The following SHISA6 variants were observed in gnomAD, a reference collection of about 807,000 sequenced individuals.
SHISA6 encodes protein shisa-6.
A neutral mutation model predicts 47.9 loss-of-function variants in SHISA6; 22 were observed. The observed-to-expected ratio is 0.46, with a 90% CI of 0.33 to 0.66. SHISA6 has a LOEUF of 0.66. SHISA6 is among the 30% of genes least tolerant of loss of function. The pLI, the probability that SHISA6 is intolerant of heterozygous loss-of-function variation, is 0.02. For synonymous variants in SHISA6, 388 were observed against 337.8 expected, an observed-to-expected ratio of 1.15 and a Z score of -1.63; for missense variants, 680 against 764.6, an observed-to-expected ratio of 0.89 and a Z score of 1.30.
chr17:11,515,617 A>C (rs2071579625), intron 3 of SHISA6, among the ~76,000 whole-genome samples: 1 of 152,152 alleles, frequency 6.6e-6, no homozygotes, highest in Non-Finnish European at 1.5e-5. Context: ...GCTCTGGGGC[A>C]CAGAGTGTGT....
At chr17:11,525,631 C>CAAAAAAAAAAAAAAA (rs548619604) in intron 3 of SHISA6, among the ~76,000 whole-genome samples, 1 of 58,906 alleles carries the variant, frequency 1.7e-5, no homozygotes, top group Non-Finnish European at 3.0e-5. Flanking sequence ...GACTCCGTCT[C>CAAAAAAAAAAAAAAA]AAAAAAAAAA....
rs542582478 is a variant in SHISA6 at position 11,487,514 on chromosome 17, G to T, written c.896-64382G>T. ...CTGCAGTATTATCCTATCTAGCCATGTACCCAGGAAACATCCTGAAAGCAT... is the reference window on the plus strand; with the variant it reads ...CTGCAGTATTATCCTATCTAGCCATTTACCCAGGAAACATCCTGAAAGCAT... On this transcript the variant is annotated intron_variant, in intron 3 of 5. Coordinates refer to ENST00000441885, the MANE Select transcript of SHISA6 (RefSeq NM_207386.4). Among the ~76,000 whole-genome samples the T allele has an allele frequency of 2.6e-5, 4 of 152,244 alleles. No homozygotes were observed. The South Asian group carries it at 8.3e-4, about 32-fold the overall frequency.
rs1597587836 is a variant in SHISA6, at chr17:11,559,616, G to C, written c.*1312G>C. 1 of 152,426 alleles carries C rather than the reference G, an allele frequency of 6.6e-6. No individual in the cohort carries two copies. Among genetic ancestry groups the C allele is most frequent in the East Asian group, 1.9e-4 (1 of 5,186 alleles). The allele number at this position is 152,426 out of a possible 1,614,324, so 9.4% of individuals were successfully genotyped here. Reference sequence around the variant, plus strand: ...GCCTCCTCTGGATCAAAGGGACAAAGACCTATTAGCAAAAGCAAACAAAGG... The same window carrying C: ...GCCTCCTCTGGATCAAAGGGACAAACACCTATTAGCAAAAGCAAACAAAGG... On this transcript the variant is annotated 3_prime_UTR_variant, in exon 6 of 6. Transcript: ENST00000441885. The surrounding 1 kb of genome is among the most constrained non-coding windows in gnomAD (Gnocchi z 4.4).
At position 11,388,809 on chromosome 17, in the gene SHISA6, TATATATATATATATATATATA is replaced by T. The variant is rs1567592105; in HGVS notation, c.895+9301_895+9321del. Among the ~76,000 whole-genome samples, 210 of 88,184 alleles carry T rather than the reference TATATATATATATATATATATA, an allele frequency of 2.4e-3. 4 individuals are homozygous for T. The highest frequency in any genetic ancestry group is 0.022 in the South Asian group (49 of 2,238). The allele number at this position is 88,184 out of a possible 152,430, so 57.9% of individuals were successfully genotyped here. On this transcript the variant is annotated intron_variant, in intron 3 of 5. Coordinates refer to ENST00000441885, the MANE Select transcript of SHISA6 (RefSeq NM_207386.4). The stretch of plus-strand genomic sequence containing the variant: ...AAAAGTTTATATATATATATATATA[TATATATATATATATATATATA>T]TATATATATATTTTAAAAAAGGTAA...
intron 2 of SHISA6, among the ~76,000 whole-genome samples, chr17:11,314,662 A>G (rs1042057961): frequency 6.6e-6 from 1 of 151,618 alleles, no homozygotes; most frequent in African/African-American, 2.4e-5. Flanking sequence ...CAGCCTCCCA[A>G]GTAGCTAGGA....
At chr17:11,376,441 C>T (rs1355292810) in intron 2 of SHISA6, among the ~76,000 whole-genome samples, 1 of 151,932 alleles carries the variant, frequency 6.6e-6, no homozygotes, top group Non-Finnish European at 1.5e-5. Flanking sequence ...CCTCAGGCCT[C>T]AGCTTCCCGA....
intron 3 of SHISA6, among the ~76,000 whole-genome samples, chr17:11,436,852 C>A (rs576652979): frequency 3.9e-5 from 6 of 152,160 alleles, no homozygotes; most frequent in Non-Finnish European, 8.8e-5. Flanking sequence ...CTCAGTGATA[C>A]CCTTATTGGA....
chr17:11,444,976 G>C (rs1398526299), intron 3 of SHISA6, among the ~76,000 whole-genome samples: 1 of 152,210 alleles, frequency 6.6e-6, no homozygotes, highest in Non-Finnish European at 1.5e-5. Flanking sequence ...ATGCAGATAA[G>C]TTATATAGAG....
intron 2 of SHISA6, among the ~76,000 whole-genome samples, chr17:11,369,536 C>T (rs1912555867): frequency 6.6e-6 from 1 of 152,200 alleles, no homozygotes. Context: ...CTCAGTTGCC[C>T]CATGGGCTAA....
At chr17:11,481,218 G>A (rs2018245) in intron 3 of SHISA6, among the ~76,000 whole-genome samples, 27,429 of 151,688 alleles carry the variant, frequency 0.18, 2,637 homozygotes, top group East Asian at 0.29. Context: ...GGCAGAGGTT[G>A]CAGTGAGCCA....
At chr17:11,260,250 C>G (rs1908176862) in intron 1 of SHISA6, among the ~76,000 whole-genome samples, 1 of 152,072 alleles carries the variant, frequency 6.6e-6, no homozygotes, top group Non-Finnish European at 1.5e-5. Flanking sequence ...AGCATCAAAC[C>G]TAGGCAATAA....
At chr17:11,434,846 G>A (rs546176979) in intron 3 of SHISA6, among the ~76,000 whole-genome samples, 2 of 152,292 alleles carry the variant, frequency 1.3e-5, no homozygotes, top group East Asian at 3.9e-4. Context: ...GAGAATGTAT[G>A]ACCACATTTC....
intron 3 of SHISA6, among the ~76,000 whole-genome samples, chr17:11,462,874 C>T (rs939284721): frequency 8.5e-5 from 13 of 152,148 alleles, no homozygotes; most frequent in African/African-American, 3.1e-4. Context: ...GTGATCTGCC[C>T]ACCTTGGCCT....
At chr17:11,543,910 C>CA (rs200573876) in intron 3 of SHISA6, among the ~76,000 whole-genome samples, 4,326 of 96,110 alleles carry the variant, frequency 0.045, 219 homozygotes, top group African/African-American at 0.12. Flanking sequence ...TATTTATAAG[C>CA]AAAAAAAAAA....
intron 2 of SHISA6, among the ~76,000 whole-genome samples, chr17:11,283,731 A>G (rs1909202161): frequency 6.6e-6 from 1 of 152,242 alleles, no homozygotes; most frequent in Non-Finnish European, 1.5e-5. Context: ...GGGAAGAAGC[A>G]TATAATGAAA....
chr17:11,275,882 A>C (rs1908869367), intron 2 of SHISA6, among the ~76,000 whole-genome samples: 1 of 150,678 alleles, frequency 6.6e-6, no homozygotes, highest in Non-Finnish European at 1.5e-5. Flanking sequence ...ATGTCATGGG[A>C]GTTCTTGTAG....
intron 3 of SHISA6, among the ~76,000 whole-genome samples, chr17:11,394,131 G>A (rs1913486443): frequency 6.6e-6 from 1 of 152,104 alleles, no homozygotes; most frequent in Non-Finnish European, 1.5e-5. Context: ...CTGGAGTGTT[G>A]ACCACTGTGT....
At chr17:11,470,457 T>C (rs1288588039) in intron 3 of SHISA6, among the ~76,000 whole-genome samples, 2 of 152,144 alleles carry the variant, frequency 1.3e-5, no homozygotes, top group African/African-American at 4.8e-5. Context: ...TAGCCTTCCC[T>C]TGCTTAGGAA....
intron 3 of SHISA6, among the ~76,000 whole-genome samples, chr17:11,434,264 A>G (rs556824409): frequency 6.6e-6 from 1 of 151,928 alleles, no homozygotes; most frequent in Non-Finnish European, 1.5e-5. Flanking sequence ...GGCTTTCACT[A>G]TGTTGGCCGA....
Sources: allele counts gnomAD v4.1 joint callset (sites outside exome capture counted in the v4.1 genomes callset), GRCh38; gene constraint gnomAD v4.1.1; non-coding constraint Gnocchi (gnomAD v3.1); transcripts MANE v1.5; gene names NCBI Gene and HGNC (gene_info 2026-07-23, HGNC 2026-07-21).